PTPRN2: variants seen among roughly 807,000 people sequenced by gnomAD.
PTPRN2 encodes the protein receptor-type tyrosine-protein phosphatase N2.
A neutral mutation model predicts 118.8 loss-of-function variants in PTPRN2; 74 were observed. That is an observed-to-expected ratio of 0.62 (90% CI 0.52 to 0.76). PTPRN2 has a LOEUF of 0.76. Ranked by LOEUF, PTPRN2 falls within the 30% of genes least tolerant of loss-of-function variation. PTPRN2 has a pLI of 0.00. For missense variants in PTPRN2, 1,481 were observed against 1,394.4 expected (o/e 1.06, Z -0.99); for synonymous variants, 641 against 608.0 (o/e 1.05, Z -0.80).
chr7:157,636,377 CTCT>C (rs1314374044), intron 14 of PTPRN2, among the ~76,000 whole-genome samples: 27 of 152,284 alleles, frequency 1.8e-4, no homozygotes, highest in African/African-American at 5.3e-4. Flanking sequence ...TTGTGTGTTT[CTCT>C]TCTTCTTGTA....
chr7:158,235,176 A>G (rs1353738826), intron 3 of PTPRN2, among the ~76,000 whole-genome samples: 1 of 152,246 alleles, frequency 6.6e-6, no homozygotes, highest in Non-Finnish European at 1.5e-5. Flanking sequence ...TATAGAGAAT[A>G]GTATGGAGGT....
chr7:158,584,162 T>C (rs1828793614), intron 1 of PTPRN2, among the ~76,000 whole-genome samples: 1 of 152,174 alleles, frequency 6.6e-6, no homozygotes, highest in African/African-American at 2.4e-5. Flanking sequence ...AAAATCTGCA[T>C]GAAAGGCTGA....
chr7:158,219,108 C>A (rs1306214076), intron 3 of PTPRN2, among the ~76,000 whole-genome samples: 1 of 152,076 alleles, frequency 6.6e-6, no homozygotes, highest in African/African-American at 2.4e-5. Flanking sequence ...CCAACAACAA[C>A]AGAATATATA....
Position 157,831,205 on chromosome 7 carries a change from C to A in PTPRN2, c.1788+67468G>T, listed in dbSNP as rs1245437363. On this transcript the variant is annotated intron_variant, in intron 12 of 22. Transcript: ENST00000389418. This position sits in a 1 kb window ranked among gnomAD's most constrained non-coding sequence, Gnocchi z 4.8. ...GCTGTGGGGAGGAACTGCTCGGGCC[C>A]TGCAGCATCTTACAAGGGGTGCAGG... 6.6e-6 allele frequency among the ~76,000 whole-genome samples: 1 copy of A among 152,174 alleles called. No individual in the cohort carries two copies. Among genetic ancestry groups the A allele is most frequent in the African/African-American group, 2.4e-5 (1 of 41,444 alleles).
intron 4 of PTPRN2, among the ~76,000 whole-genome samples, chr7:158,202,197 T>C (rs1472366365): frequency 6.6e-6 from 1 of 152,000 alleles, no homozygotes; most frequent in Non-Finnish European, 1.5e-5. Context: ...AGAAAGTAGA[T>C]CAATGGTAAA....
At chr7:157,722,010 A>T (rs1245290087) in intron 12 of PTPRN2, among the ~76,000 whole-genome samples, 1 of 152,074 alleles carries the variant, frequency 6.6e-6, no homozygotes, top group Non-Finnish European at 1.5e-5. Flanking sequence ...CTCGGCCGCA[A>T]AAGCGCTTCA....
At chr7:158,407,410 G>C (rs878935757) in intron 2 of PTPRN2, among the ~76,000 whole-genome samples, 11 of 16,280 alleles carry the variant, frequency 6.8e-4, no homozygotes, top group African/African-American at 2.5e-3. Context: ...CTGCGTCCTG[G>C]GTCCTGGGTC....
chr7:157,769,996 C>T (rs757594838), intron 12 of PTPRN2, among the ~76,000 whole-genome samples: 3 of 152,348 alleles, frequency 2.0e-5, no homozygotes, highest in Non-Finnish European at 2.9e-5. Context: ...CCTCGGCTAC[C>T]GCATCCACGC....
intron 11 of PTPRN2, among the ~76,000 whole-genome samples, chr7:157,919,300 T>A (rs1364865380): frequency 6.6e-6 from 1 of 152,164 alleles, no homozygotes; most frequent in African/African-American, 2.4e-5. Context: ...CTCTCATCAT[T>A]TGGGTATTAA....
At chr7:157,592,729 T>A (rs1315274481) in intron 17 of PTPRN2, among the ~76,000 whole-genome samples, 2 of 146,736 alleles carry the variant, frequency 1.4e-5, no homozygotes, top group African/African-American at 2.6e-5. Context: ...GCCGAGAGGC[T>A]TCACACATGA....
intron 5 of PTPRN2, among the ~76,000 whole-genome samples, chr7:158,168,310 T>C (rs1823214563): frequency 6.6e-6 from 1 of 152,226 alleles, no homozygotes; most frequent in Admixed American, 6.5e-5. Context: ...TCGGAGTTAC[T>C]GCATTCACAG....
intron 11 of PTPRN2, among the ~76,000 whole-genome samples, chr7:158,039,993 G>A (rs917610483): frequency 1.3e-5 from 2 of 151,856 alleles, no homozygotes; most frequent in African/African-American, 2.4e-5. Context: ...CTCATTGGTA[G>A]AGCAGACATA....
intron 12 of PTPRN2, among the ~76,000 whole-genome samples, chr7:157,762,670 A>C (rs1802207862): frequency 1.3e-5 from 2 of 151,708 alleles, no homozygotes; most frequent in South Asian, 4.2e-4. Context: ...GGTGCAGCGC[A>C]CCAGCATGGC....
intron 12 of PTPRN2, among the ~76,000 whole-genome samples, chr7:157,798,835 G>C (rs1805041718): frequency 6.6e-6 from 1 of 151,966 alleles, no homozygotes; most frequent in Non-Finnish European, 1.5e-5. Context: ...GGTGGGGTGG[G>C]GCAGGGTGGG....
intron 10 of PTPRN2, among the ~76,000 whole-genome samples, chr7:158,086,077 C>A (rs1042305869): frequency 2.0e-5 from 3 of 152,218 alleles, no homozygotes; most frequent in Non-Finnish European, 4.4e-5. Context: ...TTGAAGCATA[C>A]TGTGAAATTC....
At chr7:157,635,849 C>G (rs1198696301) in intron 14 of PTPRN2, among the ~76,000 whole-genome samples, 5 of 152,192 alleles carry the variant, frequency 3.3e-5, no homozygotes, top group South Asian at 4.1e-4. Flanking sequence ...GTCTCTCACC[C>G]CAGCCAGGAC....
intron 12 of PTPRN2, among the ~76,000 whole-genome samples, chr7:157,779,000 C>T (rs1026022826): frequency 3.9e-5 from 6 of 152,208 alleles, no homozygotes; most frequent in East Asian, 1.9e-4. Flanking sequence ...CGGGCCACAG[C>T]GCTCAAGCAG....
intron 3 of PTPRN2, among the ~76,000 whole-genome samples, chr7:158,251,096 G>A (rs1322600964): frequency 6.6e-6 from 1 of 152,142 alleles, no homozygotes; most frequent in Admixed American, 6.5e-5. Context: ...TGCATAGAAA[G>A]GGTAATGGGA....
At chr7:158,450,451 G>A (rs560696596) in intron 2 of PTPRN2, among the ~76,000 whole-genome samples, 3 of 152,146 alleles carry the variant, frequency 2.0e-5, no homozygotes, top group Non-Finnish European at 4.4e-5. Context: ...GCACAAAAAC[G>A]CATCGTATAG....
Sources: gnomAD v4.1 joint callset for allele counts (sites outside exome capture counted in the v4.1 genomes callset) on GRCh38, gnomAD v4.1.1 for gene constraint, Gnocchi (gnomAD v3.1) non-coding constraint, MANE v1.5 for transcripts, NCBI Gene and HGNC (gene_info 2026-07-23, HGNC 2026-07-21) for gene names.